The following DNAJB13 variants were observed in gnomAD, a reference collection of about 807,000 sequenced individuals.
The protein encoded by DNAJB13 is DnaJ heat shock protein family (Hsp40) member B13, also known as dnaJ homolog subfamily B member 13.
Under a neutral mutation model 35.6 loss-of-function variants are expected in DNAJB13, and 22 were observed. The ratio of observed to expected loss-of-function variants is 0.62; its 90% CI spans 0.44 to 0.88. The LOEUF (loss-of-function observed/expected upper bound fraction) is 0.88, where lower values mean the gene tolerates loss of function less well. Ranked by LOEUF, DNAJB13 falls within the 40% of genes least tolerant of loss-of-function variation. The pLI, the probability that DNAJB13 is intolerant of heterozygous loss-of-function variation, is 0.00. For missense variants in DNAJB13, 370 were observed against 384.3 expected, an observed-to-expected ratio of 0.96 and a Z score of 0.31; for synonymous variants, 136 against 144.2, an observed-to-expected ratio of 0.94 and a Z score of 0.41.
At chr11:73,956,939 T>A (rs937171653) in intron 1 of DNAJB13, among the ~76,000 whole-genome samples, 16 of 151,920 alleles carry the variant, frequency 1.1e-4, no homozygotes, top group African/African-American at 3.6e-4. Context: ...GATTTAGCTG[T>A]GAGAGACAGA....
At chr11:73,960,801 C>T (rs1950913098) in intron 3 of DNAJB13, among the ~76,000 whole-genome samples, 2 of 151,658 alleles carry the variant, frequency 1.3e-5, no homozygotes, top group African/African-American at 4.8e-5. Context: ...CTTAATATAT[C>T]TTGGAGATTA....
At position 73,970,246 on chromosome 11, in the gene DNAJB13, A is replaced by C. The variant is rs1951243903; in HGVS notation, c.*132A>C. On this transcript the variant is annotated 3_prime_UTR_variant, in exon 8 of 8. Transcript: ENST00000339764. The stretch of plus-strand genomic sequence containing the variant: ...ACAAGGGTGGGATGGCGCAGGGCTT[A>C]AACTGACATAATAAAGATCTATTTC... The C allele has an allele frequency of 8.7e-7, 1 of 1,152,444 alleles. No homozygotes were observed. Among genetic ancestry groups the C allele is most frequent in the Non-Finnish European group, 1.2e-6 (1 of 845,712 alleles). The allele number at this position is 1,152,444 out of a possible 1,614,324, so 71.4% of individuals were successfully genotyped here. A position where few individuals can be genotyped will look rare whatever the true frequency, so the allele number is the denominator to read the frequency against.
chr11:73,965,546 G>T, intron 4 of DNAJB13: 1 of 161,774 alleles, frequency 6.2e-6, no homozygotes, highest in Admixed American at 5.8e-5. Flanking sequence ...CCAGCCCTGT[G>T]CCAGGCATAA....
At chr11:73,953,619 T>C (rs927865694) in intron 1 of DNAJB13, among the ~76,000 whole-genome samples, 10 of 152,176 alleles carry the variant, frequency 6.6e-5, no homozygotes, top group African/African-American at 2.4e-4. Flanking sequence ...AATCTATGAA[T>C]AACATCGGTT....
chr11:73,959,634 G>C lies in DNAJB13; in HGVS notation c.313G>C (p.Gly105Arg). ...TGAAAAGGTGTTCCACGAGTTCTTT[G>C]GTGGAAACAACCCCTTCAGTGGTAA... is the stretch of plus-strand genomic sequence containing the variant. ...KPEKVFHEFF[G>R]GNNPFSEFFD... Residue 105 changes from glycine to arginine, a missense_variant, in exon 3 of 8, where the codon GGT (glycine) becomes CGT (arginine). Physicochemically the swap from Gly to Arg is moderately radical, Grantham distance 125. Transcript: ENST00000339764. The C allele has an allele frequency of 1.2e-6, 2 of 1,614,036 alleles. No homozygotes were observed. The highest frequency in any genetic ancestry group is 1.7e-6 in the Non-Finnish European group (2 of 1,179,920).
intron 5 of DNAJB13, 85 bp downstream of exon 5, chr11:73,966,336 A>G: frequency 7.6e-7 from 1 of 1,322,656 alleles, no homozygotes; most frequent in Non-Finnish European, 1.1e-6. Context: ...AAAGGAGGCA[A>G]TACTTTTTCC....
In DNAJB13 at chr11:73,956,271, G is replaced by A. The variant is rs193066021; in HGVS notation, c.69-2046G>A. ...TAACAATCAGGGAAGGTGCCCTGGA[G>A]GATTTGGCACCTGAGTCGAAAGTTG... On this transcript the variant is annotated intron_variant, in intron 1 of 7. Transcript: ENST00000339764. Among the ~76,000 whole-genome samples the A allele has an allele frequency of 1.1e-4, 17 of 152,292 alleles. 1 individual carries two copies. In the East Asian group the frequency reaches 3.1e-3, roughly 28 times the overall value.
At chr11:73,952,831 AATC>A (rs1217880517) in intron 1 of DNAJB13, among the ~76,000 whole-genome samples, 3 of 152,214 alleles carry the variant, frequency 2.0e-5, no homozygotes, top group African/African-American at 7.2e-5. Context: ...CATGTCTAAA[AATC>A]ATCATCATAA....
Position 73,958,342 on chromosome 11 carries a change from C to CA in DNAJB13, c.95dup (p.His32GlnfsTer7). 5 of 1,614,128 alleles carry CA rather than the reference C, an allele frequency of 3.1e-6. No homozygotes were observed. The highest frequency in any genetic ancestry group is 4.2e-6 in the Non-Finnish European group (5 of 1,180,020). On this transcript the variant is annotated frameshift_variant, in exon 2 of 8. Coordinates refer to ENST00000339764, the MANE Select transcript of DNAJB13 (RefSeq NM_153614.4). LOFTEE classifies it high-confidence loss of function. The stretch of plus-strand genomic sequence containing the variant: ...GTACCGCAGACTCGCCCTTAAGCAC[C>CA]ACCCGTTGAAGTCAAATGAGCCGTC...
intron 2 of DNAJB13, among the ~76,000 whole-genome samples, chr11:73,958,679 C>T (rs1344637378): frequency 6.6e-6 from 1 of 152,190 alleles, no homozygotes. Context: ...GGCACATTCC[C>T]CACGCATCCC....
intron 1 of DNAJB13, among the ~76,000 whole-genome samples, chr11:73,953,215 C>G (rs59621909): frequency 0.079 from 11,994 of 152,084 alleles, 583 homozygotes; most frequent in African/African-American, 0.13. Context: ...AACAGAGCAA[C>G]ACCTGTCTCA....
At position 73,959,700 on chromosome 11, in the gene DNAJB13, C is replaced by G. The variant is rs369841866; in HGVS notation, c.334+45C>G. The G allele has an allele frequency of 2.1e-5, 31 of 1,499,984 alleles. No homozygotes were observed. The African/African-American group carries it at 3.1e-4, about 15-fold the overall frequency. The allele number at this position is 1,499,984 out of a possible 1,614,324, so 92.9% of individuals were successfully genotyped here. A position where few individuals can be genotyped will look rare whatever the true frequency, so the allele number is the denominator to read the frequency against. ...CACCTTGCCTTATAGAGAAAGGACA[C>G]TGCTATAAGTGATGTTTTCGTTGAG... is the stretch of plus-strand genomic sequence containing the variant. On this transcript the variant is annotated intron_variant, in intron 3 of 7. Transcript: ENST00000339764.
In DNAJB13 at chr11:73,968,404, C is replaced by T; in HGVS notation, c.666C>T (p.Arg222=). The T allele has an allele frequency of 6.2e-7, 1 of 1,614,158 alleles. No homozygotes were observed. The highest frequency in any genetic ancestry group is 2.2e-5 in the East Asian group (1 of 44,876). Residue 222 remains arginine (R), a synonymous_variant, in exon 6 of 8, where the codon CGC becomes CGT. Transcript: ENST00000339764. ...TCGTAAAGGAGAAGCTACACCCTCG[C>T]TTCCGCAGGGAGAATGACAACCTCT... ...IFIVKEKLHP[R]FRRENDNLFF...
intron 1 of DNAJB13, among the ~76,000 whole-genome samples, chr11:73,954,039 T>TAATAATAATATTATTAATAAA (rs1565166862): frequency 6.9e-6 from 1 of 145,260 alleles, no homozygotes; most frequent in African/African-American, 2.6e-5. Flanking sequence ...ATAATAATAA[T>TAATAATAATATTATTAATAAA]AATGGCTGGA....
intron 3 of DNAJB13, 186 bp from the exon 4 acceptor site, chr11:73,964,692 G>A (rs999835527): frequency 7.8e-6 from 5 of 643,638 alleles, no homozygotes; most frequent in Non-Finnish European, 1.1e-5. Context: ...TGGCCAGTCT[G>A]AGAGGTGGTT....
At chr11:73,967,373 G>A (rs1951147258) in intron 5 of DNAJB13, among the ~76,000 whole-genome samples, 1 of 152,162 alleles carries the variant, frequency 6.6e-6, no homozygotes, top group African/African-American at 2.4e-5. Context: ...GAATCCTTAA[G>A]TCCTGAGAAG....
intron 1 of DNAJB13, among the ~76,000 whole-genome samples, chr11:73,953,054 TG>T: frequency 6.6e-6 from 1 of 152,258 alleles, no homozygotes; most frequent in South Asian, 2.1e-4. Flanking sequence ...AGGGAGACCC[TG>T]TCTCTACAGA....
intron 1 of DNAJB13, among the ~76,000 whole-genome samples, chr11:73,955,735 A>T (rs1312167987): frequency 6.6e-6 from 1 of 152,162 alleles, no homozygotes; most frequent in Non-Finnish European, 1.5e-5. Context: ...TGGGAGGCGG[A>T]CAATGCAGTG....
chr11:73,967,377 T>C (rs1389738997), intron 5 of DNAJB13, among the ~76,000 whole-genome samples: 3 of 152,198 alleles, frequency 2.0e-5, no homozygotes, highest in Admixed American at 6.5e-5. Context: ...CCTTAAGTCC[T>C]GAGAAGAGGC....
Sources: gnomAD v4.1 joint callset for allele counts (sites outside exome capture counted in the v4.1 genomes callset) on GRCh38, gnomAD v4.1.1 for gene constraint, MANE v1.5 for transcripts, NCBI Gene and HGNC (gene_info 2026-07-23, HGNC 2026-07-21) for gene names.